KHDRBS3: variants seen among roughly 807,000 people sequenced by gnomAD.
KHDRBS3 encodes KH domain-containing, RNA-binding, signal transduction-associated protein 3.
KHDRBS3 carries 23 observed loss-of-function variants against 45.6 expected under a neutral mutation model. That is an observed-to-expected ratio of 0.50 (90% CI 0.36 to 0.72). The LOEUF (loss-of-function observed/expected upper bound fraction) is 0.72. KHDRBS3 is among the 30% of genes least tolerant of loss of function. The pLI is 0.00. For missense variants in KHDRBS3, 352 were observed against 424.8 expected (o/e 0.83, Z 1.51); for synonymous variants, 162 against 156.5 (o/e 1.04, Z -0.26).
intron 1 of KHDRBS3, among the ~76,000 whole-genome samples, chr8:135,461,971 TAAGG>T (rs1390093817): frequency 6.6e-6 from 1 of 152,184 alleles, no homozygotes; most frequent in Non-Finnish European, 1.5e-5. Flanking sequence ...AAAAATATAT[TAAGG>T]AAGGATTATT....
intron 7 of KHDRBS3, among the ~76,000 whole-genome samples, chr8:135,627,557 C>G (rs1830426514): frequency 6.6e-6 from 1 of 152,174 alleles, no homozygotes; most frequent in African/African-American, 2.4e-5. Context: ...CCTATTGGTT[C>G]TTACCTTTTA....
intron 2 of KHDRBS3, among the ~76,000 whole-genome samples, chr8:135,522,522 C>T (rs1022625842): frequency 4.7e-5 from 7 of 150,146 alleles, no homozygotes; most frequent in African/African-American, 1.5e-4. Context: ...ACCATTTCCA[C>T]AAACAATGTG....
chr8:135,532,392 A>C (rs1375663043), intron 2 of KHDRBS3, among the ~76,000 whole-genome samples: 2 of 152,192 alleles, frequency 1.3e-5, no homozygotes, highest in Non-Finnish European at 2.9e-5. Context: ...AGGTAAGTGT[A>C]GATTATAAAC....
chr8:135,521,556 A>G (rs1175078302), intron 2 of KHDRBS3, among the ~76,000 whole-genome samples: 2 of 152,178 alleles, frequency 1.3e-5, no homozygotes, highest in African/African-American at 2.4e-5. Context: ...TCCTGAAAAT[A>G]TATCCTTTTG....
At chr8:135,587,233 T>C (rs546293062) in intron 6 of KHDRBS3, among the ~76,000 whole-genome samples, 2 of 152,308 alleles carry the variant, frequency 1.3e-5, no homozygotes, top group Middle Eastern at 3.4e-3. Flanking sequence ...TTCATCGGAG[T>C]TACTGTAACA....
intron 5 of KHDRBS3, among the ~76,000 whole-genome samples, chr8:135,563,771 A>G (rs1409756790): frequency 6.6e-6 from 1 of 152,094 alleles, no homozygotes; most frequent in Non-Finnish European, 1.5e-5. Flanking sequence ...AACAGTTGTG[A>G]GCCGTCCAGG....
At chr8:135,466,742 A>G (rs1240078051) in intron 1 of KHDRBS3, among the ~76,000 whole-genome samples, 2 of 152,228 alleles carry the variant, frequency 1.3e-5, no homozygotes, top group Non-Finnish European at 2.9e-5. Context: ...TTTTGGACAA[A>G]GCCAGGCTTC....
In KHDRBS3 at chr8:135,557,582, A is replaced by G. The variant is rs1826952540; in HGVS notation, c.606A>G (p.Ile202Met). The G allele has an allele frequency of 6.2e-7, 1 of 1,611,238 alleles. No individual in the cohort carries two copies. Among genetic ancestry groups the G allele is most frequent in the Non-Finnish European group, 8.5e-7 (1 of 1,178,612 alleles). ...CAAGAGGTGTACCAGCCCCAGCAAT[A>G]ACCAGGTAGGTGTAAATTTTTTTTT... ...LRTRGVPAPA[I>M]TRGRGGVTAR... Residue 202 changes from isoleucine to methionine, a missense_variant, in exon 5 of 9, where the codon ATA becomes ATG. Transcript: ENST00000355849.
At chr8:135,458,263 G>C in intron 1 of KHDRBS3, 1 of 1,013,902 alleles carries the variant, frequency 9.9e-7, no homozygotes, top group South Asian at 2.5e-5. Flanking sequence ...CCATCTGGGG[G>C]CTTCGTTGGG....
At chr8:135,532,608 T>C (rs949210510) in intron 2 of KHDRBS3, among the ~76,000 whole-genome samples, 8 of 152,300 alleles carry the variant, frequency 5.3e-5, no homozygotes, top group Non-Finnish European at 8.8e-5. Flanking sequence ...TCTAAGCACT[T>C]TACTATTAAC....
intron 1 of KHDRBS3, among the ~76,000 whole-genome samples, chr8:135,491,648 A>G (rs770198809): frequency 6.7e-6 from 1 of 149,712 alleles, no homozygotes; most frequent in Non-Finnish European, 1.5e-5. Context: ...GAGAGTTGAC[A>G]TTCATATTCA....
chr8:135,547,720 G>A (rs1427522330), intron 3 of KHDRBS3, among the ~76,000 whole-genome samples: 1 of 152,154 alleles, frequency 6.6e-6, no homozygotes, highest in Non-Finnish European at 1.5e-5. Flanking sequence ...AATTCCTGGG[G>A]TTCTCTTGGT....
At chr8:135,467,232 G>C (rs1456661332) in intron 1 of KHDRBS3, among the ~76,000 whole-genome samples, 4 of 152,154 alleles carry the variant, frequency 2.6e-5, no homozygotes, top group Non-Finnish European at 4.4e-5. Context: ...TCTAAGATGA[G>C]ATTATTACAC....
chr8:135,480,725 A>G (rs1203820316), intron 1 of KHDRBS3, among the ~76,000 whole-genome samples: 1 of 152,092 alleles, frequency 6.6e-6, no homozygotes. Flanking sequence ...ATTTTAGACA[A>G]TTTTCTTCAT....
rs1304679514 is a variant in KHDRBS3, at chr8:135,536,995, AAAG to A, written c.208-5658_208-5656del. On this transcript the variant is annotated intron_variant, in intron 2 of 8. Coordinates refer to ENST00000355849, the MANE Select transcript of KHDRBS3 (RefSeq NM_006558.3). ...AAAAAAAAAAAAAAAAAAAAAAAAA[AAAG>A]GAGATGTTTAGGAGGTAAAATCATT... Among the ~76,000 whole-genome samples the A allele has an allele frequency of 3.2e-3, 53 of 16,520 alleles. 4 individuals are homozygous for A. The highest frequency in any genetic ancestry group is 0.013 in the African/African-American group (50 of 3,816). The allele number at this position is 16,520 out of a possible 152,430, so 10.8% of individuals were successfully genotyped here.
intron 7 of KHDRBS3, among the ~76,000 whole-genome samples, chr8:135,636,137 G>A (rs1026610853): frequency 7.2e-5 from 11 of 152,112 alleles, no homozygotes; most frequent in African/African-American, 2.2e-4. Flanking sequence ...GTTATTTCAC[G>A]TAACAATGAT....
chr8:135,470,023 C>A (rs542361215), intron 1 of KHDRBS3, among the ~76,000 whole-genome samples: 1 of 152,154 alleles, frequency 6.6e-6, no homozygotes, highest in Non-Finnish European at 1.5e-5. Context: ...TATTTAATTT[C>A]AAAAATTCAA....
At position 135,548,768 on chromosome 8, in the gene KHDRBS3, GA is replaced by G; in HGVS notation, c.343del (p.Ser115ValfsTer57). On this transcript the variant is annotated frameshift_variant, in exon 4 of 9. Transcript: ENST00000355849. LOFTEE classifies it high-confidence loss of function. ...CCTTTTTCCAGGAAGAAGAGTTGAG[GA>G]AAAGTGGAGAAGCGAAGTACTTCCA... Reference protein sequence around the residue: ...RDKAKEEELRKSGEAKYFHLN... With the variant: ...RDKAKEEELRXSGEAKYFHLN... 1.3e-6 allele frequency: 2 copies of G among 1,541,482 alleles called. No homozygotes were observed. The highest frequency in any genetic ancestry group is 8.7e-7 in the Non-Finnish European group (1 of 1,145,430).
At chr8:135,580,435 C>A (rs1215390113) in intron 5 of KHDRBS3, among the ~76,000 whole-genome samples, 3 of 152,038 alleles carry the variant, frequency 2.0e-5, no homozygotes, top group Non-Finnish European at 4.4e-5. Context: ...TAGACATAAG[C>A]CCATTCAGAT....
Sources: allele counts gnomAD v4.1 joint callset (sites outside exome capture counted in the v4.1 genomes callset), GRCh38; gene constraint gnomAD v4.1.1; transcripts MANE v1.5; gene names NCBI Gene and HGNC (gene_info 2026-07-23, HGNC 2026-07-21).